Variants in ZNFX1 observed in about 807,000 individuals in gnomAD.
ZNFX1 encodes the protein zinc finger NFX1-type containing 1, also known as NFX1-type zinc finger-containing protein 1.
ZNFX1 carries 78 observed loss-of-function variants against 179.8 expected under a neutral mutation model. That is an observed-to-expected ratio of 0.43 (90% CI 0.36 to 0.52). The LOEUF (loss-of-function observed/expected upper bound fraction) is 0.52. ZNFX1 is among the 20% of genes least tolerant of loss of function. ZNFX1 has a pLI of 0.00. For missense variants in ZNFX1, 1,927 were observed against 2,386.6 expected (o/e 0.81, Z 4.01); for synonymous variants, 848 against 868.5 (o/e 0.98, Z 0.42).
Position 49,271,750 on chromosome 20 carries a change from C to A in ZNFX1, c.62G>T (p.Gly21Val). The A allele has an allele frequency of 6.3e-7, 1 of 1,599,400 alleles. No homozygotes were observed. The highest frequency in any genetic ancestry group is 8.5e-7 in the Non-Finnish European group (1 of 1,171,552). Residue 21 changes from glycine to valine, a missense_variant and splice_region_variant, in exon 3 of 14, where the codon GGC (glycine) becomes GTC (valine). Physicochemically the swap from Gly to Val is moderately radical, Grantham distance 109 (BLOSUM62 -3). Coordinates refer to ENST00000396105, the MANE Select transcript of ZNFX1 (RefSeq NM_021035.3). ...RPRNSHTNHR[G>V]PVDGELPPRA... ...TGGTGGTAACTCTCCATCCACAGGG[C>A]CTAAACACAATGAAATATTGAGTAA...
chr20:49,252,664 G>A (rs939500689), intron 12 of ZNFX1, 56 bp downstream of exon 12: 1 of 1,344,304 alleles, frequency 7.4e-7, no homozygotes, highest in African/African-American at 1.5e-5. Flanking sequence ...GCAACTGGCA[G>A]CTTCCCAGGA....
chr20:49,254,149 C>T lies in ZNFX1; in HGVS notation c.2960-338G>A, dbSNP rs914383309. ...TCAAGTGATTCTTGTGCCCCAGCCT[C>T]CCGAGTAGCCAGGATTACAGGCACC... is the stretch of plus-strand genomic sequence containing the variant. On this transcript the variant is annotated intron_variant, in intron 10 of 13. Transcript: ENST00000396105. Among the ~76,000 whole-genome samples the T allele has an allele frequency of 5.3e-5, 8 of 152,082 alleles. No homozygotes were observed. The South Asian group carries it at 6.2e-4, about 12-fold the overall frequency.
chr20:49,277,961 C>T (rs3818063), intron 1 of ZNFX1, 60 bp downstream of exon 1: 2,376 of 153,662 alleles, frequency 0.015, 61 homozygotes, highest in South Asian at 0.071. Context: ...GGCGCGGGCG[C>T]CGGGGTTCGC....
rs1026500261 is a variant in ZNFX1 at position 49,253,719 on chromosome 20, C to T, written c.3052G>A (p.Ala1018Thr). 2.7e-5 allele frequency: 43 copies of T among 1,614,090 alleles called. No individual in the cohort carries two copies. The highest frequency in any genetic ancestry group is 2.9e-5 in the Non-Finnish European group (34 of 1,180,046). ...AAEVLEAHTI[A>T]TLSKACQHLI... ...TGCTGGCAAGCTTTGCTCAATGTGG[C>T]AATGGTATGGGCCTCAAGGACTTCC... Residue 1018 changes from alanine to threonine, a missense_variant, in exon 11 of 14, where the codon GCC becomes ACC. Physicochemically the swap from Ala to Thr is moderately conservative, Grantham distance 58. Transcript: ENST00000396105.
At position 49,248,982 on chromosome 20, in the gene ZNFX1, C is replaced by G. The variant is rs1432193538; in HGVS notation, c.4042G>C (p.Val1348Leu). The G allele has an allele frequency of 2.5e-6, 4 of 1,614,218 alleles. No individual in the cohort carries two copies. In the South Asian group the frequency reaches 4.4e-5, roughly 18 times the overall value. The change falls in exon 14 of 14, where the codon GTG becomes CTG. Residue 1348 changes from valine to leucine, a missense_variant. Transcript: ENST00000396105. This position sits in a 1 kb window ranked among gnomAD's most constrained non-coding sequence, Gnocchi z 4.6. ...CCGCACCGAGGAATGGTTTTGGGCA[C>G]CTTCACCTGACAAGGCTGACACTCC... ...FQECQPCQVKVPKTIPRCGHE... is the reference protein window; with the variant it reads ...FQECQPCQVKLPKTIPRCGHE...
Position 49,271,409 on chromosome 20 carries a change from T to C in ZNFX1, c.403A>G (p.Thr135Ala). 2 of 1,614,174 alleles carry C rather than the reference T, an allele frequency of 1.2e-6. No homozygotes were observed. Among genetic ancestry groups the C allele is most frequent in the Non-Finnish European group, 1.7e-6 (2 of 1,180,042 alleles). ...QQWRTPHQKP[T>A]EQPQQAKKLG... Reference sequence around the variant, plus strand: ...TTCTTCGCCTGCTGTGGCTGTTCTGTAGGCTTCTGGTGGGGAGTCCGCCAC... The same window carrying C: ...TTCTTCGCCTGCTGTGGCTGTTCTGCAGGCTTCTGGTGGGGAGTCCGCCAC... The change falls in exon 3 of 14, where the codon ACA becomes GCA. Residue 135 changes from threonine (T) to alanine (A), a missense_variant. By Grantham distance (58) the Thr-to-Ala change is moderately conservative. Coordinates refer to ENST00000396105, the MANE Select transcript of ZNFX1 (RefSeq NM_021035.3).
chr20:49,258,188 C>T (rs984229899), intron 7 of ZNFX1, among the ~76,000 whole-genome samples: 2 of 150,480 alleles, frequency 1.3e-5, no homozygotes, highest in East Asian at 2.0e-4. Flanking sequence ...CTCCACCTCC[C>T]GGGTTCAAGC....
At chr20:49,276,865 C>T (rs953850869) in intron 1 of ZNFX1, among the ~76,000 whole-genome samples, 1 of 152,202 alleles carries the variant, frequency 6.6e-6, no homozygotes, top group African/African-American at 2.4e-5. Flanking sequence ...CTCATCTTAT[C>T]AAACCCAGCC....
intron 1 of ZNFX1, among the ~76,000 whole-genome samples, chr20:49,276,766 T>A (rs755295750): frequency 3.5e-4 from 53 of 152,320 alleles, no homozygotes; most frequent in African/African-American, 1.1e-3. Flanking sequence ...GTGACTACAT[T>A]TGGCATTATA....
chr20:49,262,006 TA>T (rs1371315616), intron 6 of ZNFX1, among the ~76,000 whole-genome samples: 1 of 138,876 alleles, frequency 7.2e-6, no homozygotes, highest in Non-Finnish European at 1.5e-5. Flanking sequence ...ACTTAAAAGT[TA>T]AAAAAAAAAT....
intron 8 of ZNFX1, 128 bp downstream of exon 8, chr20:49,257,289 A>C: frequency 7.6e-7 from 1 of 1,317,726 alleles, no homozygotes; most frequent in Non-Finnish European, 1.0e-6. Context: ...ATCTCATACC[A>C]GGGGTAGGCT....
At chr20:49,257,717 T>C in intron 7 of ZNFX1, 53 bp from the exon 8 acceptor site, 1 of 1,534,456 alleles carries the variant, frequency 6.5e-7, no homozygotes, top group Non-Finnish European at 8.7e-7. Flanking sequence ...TTTTTTTTTT[T>C]TTGATATGGA....
chr20:49,267,230 T>C (rs1255430398), intron 3 of ZNFX1, among the ~76,000 whole-genome samples: 1 of 152,154 alleles, frequency 6.6e-6, no homozygotes, highest in Non-Finnish European at 1.5e-5. Context: ...GCTGGTAAGG[T>C]AGACACTGTC....
At chr20:49,262,040 T>TA (rs11478099) in intron 6 of ZNFX1, among the ~76,000 whole-genome samples, 168 of 148,774 alleles carry the variant, frequency 1.1e-3, no homozygotes, top group South Asian at 3.6e-3. Flanking sequence ...ATCATATTGT[T>TA]AAAAAAAAAA....
In ZNFX1 at chr20:49,253,239, A is replaced by C. The variant is rs544904873; in HGVS notation, c.3106-409T>G. On this transcript the variant is annotated intron_variant, in intron 11 of 13. Coordinates refer to ENST00000396105, the MANE Select transcript of ZNFX1 (RefSeq NM_021035.3). ...ATAAGCCTTTGTGGGCCACTTTAAG[A>C]AGCTTGATTTTTATGCAAGTGCAAT... is the stretch of plus-strand genomic sequence containing the variant. 2.9e-4 allele frequency among the ~76,000 whole-genome samples: 44 copies of C among 152,282 alleles called. 1 individual carries two copies. The South Asian group carries it at 9.1e-3, about 32-fold the overall frequency.
chr20:49,248,848 C>T lies in ZNFX1; in HGVS notation c.4176G>A (p.Glu1392=). The T allele has an allele frequency of 6.2e-7, 1 of 1,613,452 alleles. No homozygotes were observed. The highest frequency in any genetic ancestry group is 8.5e-7 in the Non-Finnish European group (1 of 1,179,358). ...TTTCTGAACACAGCTGCACACAGTC[C>T]TCACCACATGGGTGGCTGCATCTGT... is the stretch of plus-strand genomic sequence containing the variant. The part of the protein sequence containing the change: ...CGHRCSHPCG[E]DCVQLCSEMV... Residue 1392 remains glutamate, a synonymous_variant, in exon 14 of 14, where the codon GAG becomes GAA. Transcript: ENST00000396105. This position sits in a 1 kb window ranked among gnomAD's most constrained non-coding sequence, Gnocchi z 4.6.
intron 6 of ZNFX1, among the ~76,000 whole-genome samples, chr20:49,262,993 G>C (rs930424856): frequency 6.6e-6 from 1 of 152,194 alleles, no homozygotes; most frequent in Non-Finnish European, 1.5e-5. Flanking sequence ...ACAAAGATCT[G>C]TAAGAAATTG....
chr20:49,275,397 A>G (rs1012132817), intron 2 of ZNFX1, among the ~76,000 whole-genome samples: 1 of 151,938 alleles, frequency 6.6e-6, no homozygotes, highest in Non-Finnish European at 1.5e-5. Context: ...AGGCCAGATC[A>G]CAGTCCAGAG....
At chr20:49,254,786 G>A (rs1845778610) in intron 9 of ZNFX1, 137 bp from the exon 10 acceptor site, 1 of 962,648 alleles carries the variant, frequency 1.0e-6, no homozygotes, top group South Asian at 1.8e-5. Flanking sequence ...ATACATTCAG[G>A]GACCTAAGAA....
Sources: gnomAD v4.1 joint callset for allele counts (sites outside exome capture counted in the v4.1 genomes callset) on GRCh38, gnomAD v4.1.1 for gene constraint, Gnocchi (gnomAD v3.1) non-coding constraint, MANE v1.5 for transcripts, NCBI Gene and HGNC (gene_info 2026-07-23, HGNC 2026-07-21) for gene names.